The following SYT14 variants were observed in gnomAD, a reference collection of about 807,000 sequenced individuals.
The protein encoded by SYT14 is synaptotagmin-14.
Under a neutral mutation model 74.2 loss-of-function variants are expected in SYT14, and 32 were observed. The ratio of observed to expected loss-of-function variants is 0.43; its 90% CI spans 0.33 to 0.58. The LOEUF (loss-of-function observed/expected upper bound fraction) is 0.58, where lower values mean the gene tolerates loss of function less well. Ranked by LOEUF, SYT14 falls within the 20% of genes least tolerant of loss-of-function variation. The pLI is 0.05. For missense variants in SYT14, 791 were observed against 981.8 expected (o/e 0.81, Z 2.60); for synonymous variants, 298 against 337.7 (o/e 0.88, Z 1.29).
intron 1 of SYT14, among the ~76,000 whole-genome samples, chr1:209,943,644 A>G (rs992427530): frequency 6.6e-5 from 10 of 151,208 alleles, no homozygotes; most frequent in Non-Finnish European, 1.3e-4. Flanking sequence ...TTATCAGTTT[A>G]TTTGAAAATA....
At chr1:210,139,670 CCT>C (rs2082875590) in intron 7 of SYT14, among the ~76,000 whole-genome samples, 1 of 152,112 alleles carries the variant, frequency 6.6e-6, no homozygotes. Flanking sequence ...CAACCACTAA[CCT>C]ATTTTTTGTC....
intron 5 of SYT14, among the ~76,000 whole-genome samples, chr1:210,030,280 TAC>T (rs750283616): frequency 1.1e-4 from 16 of 152,032 alleles, no homozygotes; most frequent in Non-Finnish European, 1.8e-4. Context: ...TAGCTGGGAT[TAC>T]AGTTTCCTGC....
intron 5 of SYT14, among the ~76,000 whole-genome samples, chr1:210,032,114 T>C (rs1321220129): frequency 6.6e-6 from 1 of 151,908 alleles, no homozygotes; most frequent in Non-Finnish European, 1.5e-5. Context: ...ATATGGTGAT[T>C]TTTTTTTCAC....
chr1:210,018,425 G>T (rs943178375), intron 4 of SYT14, among the ~76,000 whole-genome samples: 3 of 152,140 alleles, frequency 2.0e-5, no homozygotes, highest in Non-Finnish European at 4.4e-5. Flanking sequence ...GAGCCACTGT[G>T]CCTGGCCATT....
chr1:210,018,301 T>A (rs2080229971), intron 4 of SYT14, among the ~76,000 whole-genome samples: 2 of 151,978 alleles, frequency 1.3e-5, no homozygotes, highest in Admixed American at 1.3e-4. Context: ...GCCCAGCTAG[T>A]TTTTGTCTTT....
chr1:209,947,598 A>C (rs2078842617), intron 1 of SYT14, among the ~76,000 whole-genome samples: 1 of 152,246 alleles, frequency 6.6e-6, no homozygotes, highest in African/African-American at 2.4e-5. Context: ...ATGGATGAAC[A>C]AAGTGGTTTC....
chr1:210,116,832 A>G (rs1377675426), intron 7 of SYT14, among the ~76,000 whole-genome samples: 1 of 152,068 alleles, frequency 6.6e-6, no homozygotes, highest in Non-Finnish European at 1.5e-5. Context: ...AACACTTATT[A>G]AATTTATTCA....
chr1:210,109,595 GAA>G (rs1457937495), intron 7 of SYT14, among the ~76,000 whole-genome samples: 2 of 149,438 alleles, frequency 1.3e-5, no homozygotes, highest in South Asian at 4.3e-4. Context: ...AAAAAAGAGA[GAA>G]AAAACAAAAC....
chr1:210,158,959 C>A (rs905643294), intron 8 of SYT14, among the ~76,000 whole-genome samples: 1 of 151,890 alleles, frequency 6.6e-6, no homozygotes, highest in Admixed American at 6.6e-5. Flanking sequence ...GCAAAAAGTT[C>A]AATAGTCCTA....
chr1:210,051,691 T>C (rs2080999806), intron 5 of SYT14, among the ~76,000 whole-genome samples: 1 of 152,204 alleles, frequency 6.6e-6, no homozygotes, highest in Non-Finnish European at 1.5e-5. Context: ...TTGTTACTTA[T>C]TTTGGAAACC....
At chr1:210,047,334 C>A (rs1473154317) in intron 5 of SYT14, among the ~76,000 whole-genome samples, 1 of 151,882 alleles carries the variant, frequency 6.6e-6, no homozygotes, top group Non-Finnish European at 1.5e-5. Context: ...TTTTCTGTTG[C>A]TTAGGTATAG....
At chr1:210,066,782 G>T (rs556297967) in intron 5 of SYT14, among the ~76,000 whole-genome samples, 1 of 152,012 alleles carries the variant, frequency 6.6e-6, no homozygotes, top group African/African-American at 2.4e-5. Flanking sequence ...TATTAGCAGC[G>T]TGAGAACGGA....
intron 2 of SYT14, among the ~76,000 whole-genome samples, chr1:209,958,878 C>T (rs1440437298): frequency 6.6e-6 from 1 of 152,128 alleles, no homozygotes; most frequent in Non-Finnish European, 1.5e-5. Flanking sequence ...CCTCTTCCAA[C>T]TGCTTGACTA....
intron 1 of SYT14, among the ~76,000 whole-genome samples, chr1:209,946,640 A>G (rs1306470021): frequency 5.3e-5 from 8 of 152,262 alleles, no homozygotes; most frequent in Non-Finnish European, 1.2e-4. Flanking sequence ...TCTCCATAAC[A>G]TAAAAGTGTG....
At chr1:210,071,895 CTATATAA>C (rs1355653811) in intron 5 of SYT14, among the ~76,000 whole-genome samples, 1 of 151,608 alleles carries the variant, frequency 6.6e-6, no homozygotes, top group East Asian at 1.9e-4. Context: ...TTATTATGGG[CTATATAA>C]TATGAATGTT....
chr1:210,135,277 T>A (rs1490088153), intron 7 of SYT14, among the ~76,000 whole-genome samples: 3 of 152,174 alleles, frequency 2.0e-5, no homozygotes, highest in Admixed American at 2.0e-4. Context: ...CCACCGCACC[T>A]GGCTTCCCTG....
At chr1:210,130,609 C>T (rs1181726423) in intron 7 of SYT14, among the ~76,000 whole-genome samples, 1 of 152,194 alleles carries the variant, frequency 6.6e-6, no homozygotes, top group African/African-American at 2.4e-5. Flanking sequence ...TGTATAGTCC[C>T]ACCTGGACTG....
intron 2 of SYT14, among the ~76,000 whole-genome samples, chr1:209,996,655 A>T (rs74431466): frequency 2.6e-5 from 4 of 152,258 alleles, no homozygotes; most frequent in East Asian, 3.9e-4. Flanking sequence ...ACACAACAAA[A>T]AAAGAAAACT....
rs977360423 is a variant in SYT14, at chr1:210,144,120, G to T, written c.2035-11601G>T. ...ATTGCTGCTAATACGTTTTCATCTT[G>T]CTGCAGCTCTGAAATCCAGTGCAAT... On this transcript the variant is annotated intron_variant, in intron 7 of 9. Coordinates refer to ENST00000637265, the Ensembl canonical transcript of SYT14. Among the ~76,000 whole-genome samples the T allele has an allele frequency of 7.2e-5, 11 of 152,234 alleles. No individual in the cohort carries two copies. In the East Asian group the frequency reaches 2.1e-3, roughly 29 times the overall value.
Sources: gnomAD v4.1 joint callset for allele counts (sites outside exome capture counted in the v4.1 genomes callset) on GRCh38, gnomAD v4.1.1 for gene constraint, MANE v1.5 for transcripts, NCBI Gene and HGNC (gene_info 2026-07-23, HGNC 2026-07-21) for gene names.